DCDC2: variants seen among roughly 807,000 people sequenced by gnomAD.
DCDC2 encodes doublecortin domain containing 2.
Under a neutral mutation model 50.2 loss-of-function variants are expected in DCDC2, and 40 were observed. The ratio of observed to expected loss-of-function variants is 0.80; its 90% CI spans 0.62 to 1.04. DCDC2 has a LOEUF of 1.04. Ranked by LOEUF, DCDC2 falls within the 50% of genes least tolerant of loss-of-function variation. The probability of loss-of-function intolerance (pLI) is 0.00; values close to 1 mark genes in which losing one functional copy is unlikely to be tolerated. For synonymous variants in DCDC2, 234 were observed against 210.6 expected (o/e 1.11, Z -0.96); for missense variants, 570 against 581.9 (o/e 0.98, Z 0.21).
intron 2 of DCDC2, among the ~76,000 whole-genome samples, chr6:24,353,053 C>T (rs964231702): frequency 3.3e-5 from 5 of 152,202 alleles, no homozygotes; most frequent in African/African-American, 7.2e-5. Flanking sequence ...TTCACATAAG[C>T]TTTCACGAAC....
intron 7 of DCDC2, among the ~76,000 whole-genome samples, chr6:24,232,798 G>T (rs981986274): frequency 5.9e-5 from 9 of 151,902 alleles, no homozygotes; most frequent in African/African-American, 2.2e-4. Context: ...ATGGATAAAG[G>T]TGAGTGAATG....
intron 6 of DCDC2, among the ~76,000 whole-genome samples, chr6:24,284,727 G>A (rs1395665556): frequency 6.6e-6 from 1 of 151,152 alleles, no homozygotes; most frequent in Non-Finnish European, 1.5e-5. Flanking sequence ...CTATATGATT[G>A]AGCCCTGCCT....
chr6:24,185,688 T>TCCAC (rs1761182813), intron 8 of DCDC2, among the ~76,000 whole-genome samples: 1 of 144,400 alleles, frequency 6.9e-6, no homozygotes, highest in East Asian at 2.0e-4. Context: ...TCCATACACA[T>TCCAC]ACACACACAC....
At chr6:24,370,596 G>A in the DCDC2 span, among the ~76,000 whole-genome samples, 1 of 152,142 alleles carries the variant, frequency 6.6e-6, no homozygotes. Flanking sequence ...TGTAGTTCCA[G>A]CTACTTGAGG....
intron 2 of DCDC2, among the ~76,000 whole-genome samples, chr6:24,347,196 C>T (rs995896186): frequency 2.6e-5 from 4 of 152,160 alleles, no homozygotes; most frequent in African/African-American, 7.2e-5. Context: ...AGCTATTTAG[C>T]CCCCTAAATA....
intron 7 of DCDC2, among the ~76,000 whole-genome samples, chr6:24,243,921 C>G (rs1762618018): frequency 6.6e-6 from 1 of 152,212 alleles, no homozygotes; most frequent in Non-Finnish European, 1.5e-5. Flanking sequence ...TCTTTACCAT[C>G]TGATCTGCTT....
At chr6:24,218,942 C>T (rs1186036665) in intron 7 of DCDC2, among the ~76,000 whole-genome samples, 2 of 152,142 alleles carry the variant, frequency 1.3e-5, no homozygotes, top group Admixed American at 6.5e-5. Context: ...ATGGTATCTT[C>T]CAGATATCCT....
At chr6:24,368,687 G>A in the DCDC2 span, among the ~76,000 whole-genome samples, 54 of 148,612 alleles carry the variant, frequency 3.6e-4, no homozygotes, top group Non-Finnish European at 3.6e-4. Flanking sequence ...GGCTCAGACA[G>A]AAAAAAAAAA....
At chr6:24,363,057 G>A (rs1760695734), upstream of DCDC2, among the ~76,000 whole-genome samples, 1 of 152,206 alleles carries the variant, frequency 6.6e-6, no homozygotes. Context: ...GCTTCAGATG[G>A]ATGCAAGGGA....
the DCDC2 span, among the ~76,000 whole-genome samples, chr6:24,374,819 G>C: frequency 6.6e-6 from 1 of 152,130 alleles, no homozygotes; most frequent in Non-Finnish European, 1.5e-5. Flanking sequence ...GTGGTTTCAG[G>C]GGGAGCCCAG....
intron 7 of DCDC2, 180 bp from the exon 8 acceptor site, chr6:24,205,282 A>T: frequency 1.3e-6 from 2 of 1,551,646 alleles, no homozygotes; most frequent in Non-Finnish European, 1.7e-6. Context: ...CCACATTTTC[A>T]TTGAGAAAAC....
intron 2 of DCDC2, among the ~76,000 whole-genome samples, chr6:24,349,588 A>G (rs1760327243): frequency 6.6e-6 from 1 of 152,166 alleles, no homozygotes; most frequent in African/African-American, 2.4e-5. Context: ...GAGCTGGTAA[A>G]TCAACTTAGG....
rs1760847214 is a variant in DCDC2, at chr6:24,174,098, T to C, written c.*632A>G. The C allele has an allele frequency of 6.6e-6, 1 of 152,238 alleles. No homozygotes were observed. Among genetic ancestry groups the C allele is most frequent in the Non-Finnish European group, 1.5e-5 (1 of 68,056 alleles). The allele number at this position is 152,238 out of a possible 1,614,324, so 9.4% of individuals were successfully genotyped here. A position where few individuals can be genotyped will look rare whatever the true frequency, so the allele number is the denominator to read the frequency against. On this transcript the variant is annotated 3_prime_UTR_variant, in exon 10 of 10. Coordinates refer to ENST00000378454, the MANE Select transcript of DCDC2 (RefSeq NM_016356.5). ...GCATGCAAGCCTGAAAGCATTTAAGTGACGGCATGGCGATACTAGTCACTA... is the reference window on the plus strand; with the variant it reads ...GCATGCAAGCCTGAAAGCATTTAAGCGACGGCATGGCGATACTAGTCACTA...
intron 8 of DCDC2, among the ~76,000 whole-genome samples, chr6:24,191,356 G>A (rs1005264069): frequency 1.3e-5 from 2 of 152,128 alleles, no homozygotes; most frequent in African/African-American, 4.8e-5. Context: ...AGGGCAACAG[G>A]CATATTTGGT....
At chr6:24,254,083 A>C (rs1012695008) in intron 7 of DCDC2, among the ~76,000 whole-genome samples, 1 of 149,750 alleles carries the variant, frequency 6.7e-6, no homozygotes, top group Admixed American at 6.6e-5. Flanking sequence ...CTAAGACACA[A>C]ACACACACAT....
At chr6:24,304,066 G>A (rs546842920) in intron 2 of DCDC2, among the ~76,000 whole-genome samples, 30 of 152,296 alleles carry the variant, frequency 2.0e-4, no homozygotes, top group African/African-American at 6.5e-4. Flanking sequence ...TTGTTAAAAT[G>A]TCATACTCTA....
intron 4 of DCDC2, among the ~76,000 whole-genome samples, chr6:24,298,459 T>C (rs1170498282): frequency 6.6e-6 from 1 of 152,244 alleles, no homozygotes; most frequent in Non-Finnish European, 1.5e-5. Flanking sequence ...GAACACAGGC[T>C]CTGGAGCCGG....
At chr6:24,267,529 C>T (rs1421172370) in intron 7 of DCDC2, among the ~76,000 whole-genome samples, 4 of 152,144 alleles carry the variant, frequency 2.6e-5, no homozygotes, top group African/African-American at 9.7e-5. Context: ...TATTTTCAGA[C>T]TTGCTGGGTC....
At position 24,357,839 on chromosome 6, in the gene DCDC2, G is replaced by T. The variant is rs200585893; in HGVS notation, c.-89C>A. The T allele has an allele frequency of 5.9e-5, 95 of 1,598,974 alleles. 1 individual carries two copies. In the East Asian group the frequency reaches 1.8e-3, roughly 30 times the overall value. On this transcript the variant is annotated 5_prime_UTR_variant, in exon 1 of 10. Coordinates refer to ENST00000378454, the MANE Select transcript of DCDC2 (RefSeq NM_016356.5). ...CGGCCTCACCGCACCCAGGGCGCGG[G>T]ATCGCCTCCTGAAACGAACGAGAAA...
Sources: allele counts gnomAD v4.1 joint callset (sites outside exome capture counted in the v4.1 genomes callset), GRCh38; gene constraint gnomAD v4.1.1; transcripts MANE v1.5; gene names NCBI Gene and HGNC (gene_info 2026-07-23, HGNC 2026-07-21).